The following IL18RAP variants were observed in gnomAD, a reference collection of about 807,000 sequenced individuals.
IL18RAP encodes the protein interleukin 18 receptor accessory protein.
Under a neutral mutation model 58.1 loss-of-function variants are expected in IL18RAP, and 37 were observed. That is an observed-to-expected ratio of 0.64 (90% CI 0.49 to 0.84). The LOEUF is 0.84. Ranked by LOEUF, IL18RAP falls within the 40% of genes least tolerant of loss-of-function variation. IL18RAP has a pLI of 0.00. For synonymous variants in IL18RAP, 268 were observed against 257.5 expected (o/e 1.04, Z -0.39); for missense variants, 667 against 704.8 (o/e 0.95, Z 0.61).
At chr2:102,429,059 C>A (rs1682162464) in intron 3 of IL18RAP, among the ~76,000 whole-genome samples, 1 of 151,852 alleles carries the variant, frequency 6.6e-6, no homozygotes, top group South Asian at 2.1e-4. Flanking sequence ...CCCACTTGAC[C>A]ATGGTGAATG....
In IL18RAP at chr2:102,445,149, T is replaced by G. The variant is rs751230507; in HGVS notation, c.921-40T>G. ...CAAATGCTGCAAATGGGTGTCAATG[T>G]ATGTTACTGAATGGAGTGGTATTTT... is the stretch of plus-strand genomic sequence containing the variant. On this transcript the variant is annotated intron_variant, in intron 6 of 9. Transcript: ENST00000687160. The G allele has an allele frequency of 4.4e-6, 7 of 1,591,814 alleles. No individual in the cohort carries two copies. The South Asian group carries it at 7.8e-5, about 18-fold the overall frequency.
rs373269976 is a variant in IL18RAP, at chr2:102,447,061, T to C, written c.1073-9T>C. ...TCTATGTCTCTTCATACTGGCCCTG[T>C]CTCCACAGTGGTGCTCCTGTACATC... On this transcript the variant is annotated splice_polypyrimidine_tract_variant and intron_variant, in intron 7 of 9. Coordinates refer to ENST00000687160, the MANE Select transcript of IL18RAP (RefSeq NM_001393487.1). The C allele has an allele frequency of 2.7e-5, 44 of 1,612,914 alleles. No homozygotes were observed. The highest frequency in any genetic ancestry group is 3.6e-5 in the Non-Finnish European group (43 of 1,179,600).
At chr2:102,439,675 TG>T (rs1202729508) in intron 4 of IL18RAP, 19 of 152,418 alleles carry the variant, frequency 1.2e-4, no homozygotes, top group African/African-American at 4.6e-4. Flanking sequence ...GGATGTTTTT[TG>T]TTTTCTGCCC....
At chr2:102,428,495 C>G (rs180855144) in intron 3 of IL18RAP, among the ~76,000 whole-genome samples, 2 of 150,998 alleles carry the variant, frequency 1.3e-5, no homozygotes, top group East Asian at 3.9e-4. Context: ...ACTTAATTTC[C>G]TTTTCTGCAG....
Position 102,451,940 on chromosome 2 carries a change from C to T in IL18RAP, c.1559C>T (p.Pro520Leu), listed in dbSNP as rs1172876150. Residue 520 changes from proline (P) to leucine (L), a missense_variant, in exon 10 of 10, where the codon CCA becomes CTA. Transcript: ENST00000687160. ...ATTAAGTTCTGTTACTTCCAAGAGC[C>T]AGAGTCTCTACCTCATCTCGTGAAA... ...ILIKFCYFQE[P>L]ESLPHLVKKA... 6.2e-7 allele frequency: 1 copy of T among 1,614,020 alleles called. No homozygotes were observed. Among genetic ancestry groups the T allele is most frequent in the African/African-American group, 1.3e-5 (1 of 74,918 alleles).
chr2:102,426,518 C>T (rs1451169205), intron 3 of IL18RAP, among the ~76,000 whole-genome samples: 2 of 151,758 alleles, frequency 1.3e-5, no homozygotes, highest in East Asian at 1.9e-4. Flanking sequence ...ATATACAATA[C>T]ATTTAATGGT....
intron 3 of IL18RAP, among the ~76,000 whole-genome samples, chr2:102,427,624 T>C (rs1682039182): frequency 6.6e-6 from 1 of 152,114 alleles, no homozygotes; most frequent in Non-Finnish European, 1.5e-5. Context: ...ATTAACTCCT[T>C]ATCAGATATA....
At chr2:102,437,842 T>C (rs1275518271) in intron 4 of IL18RAP, among the ~76,000 whole-genome samples, 2 of 152,354 alleles carry the variant, frequency 1.3e-5, no homozygotes, top group East Asian at 3.9e-4. Flanking sequence ...CATTTATGTT[T>C]TTATGCTTTT....
chr2:102,425,289 T>C (rs546408772), intron 3 of IL18RAP, among the ~76,000 whole-genome samples: 2 of 152,314 alleles, frequency 1.3e-5, no homozygotes, highest in South Asian at 2.1e-4. Context: ...ATCAGAAAGA[T>C]GAGTTATCTA....
At chr2:102,428,391 T>TA (rs1558636237) in intron 3 of IL18RAP, among the ~76,000 whole-genome samples, 1 of 151,344 alleles carries the variant, frequency 6.6e-6, no homozygotes, top group Non-Finnish European at 1.5e-5. Context: ...TTTTTTTTTT[T>TA]TATAATTTTC....
chr2:102,431,242 C>A (rs1487793330), intron 3 of IL18RAP, among the ~76,000 whole-genome samples: 1 of 152,160 alleles, frequency 6.6e-6, no homozygotes, highest in African/African-American at 2.4e-5. Context: ...AATATATCAT[C>A]CCACTCTCTC....
In IL18RAP at chr2:102,423,774, A is replaced by T. The variant is rs777152543; in HGVS notation, c.71-37A>T. On this transcript the variant is annotated intron_variant, in intron 1 of 9. Transcript: ENST00000687160. ...ATATAAGCTAGAATTCCATTTTCTA[A>T]TGTGTTTCCATGTGCTTTGTTTATT... 14 of 1,320,226 alleles carry T rather than the reference A, an allele frequency of 1.1e-5. No homozygotes were observed. The South Asian group carries it at 1.7e-4, about 16-fold the overall frequency. The allele number at this position is 1,320,226 out of a possible 1,614,324, so 81.8% of individuals were successfully genotyped here.
At chr2:102,436,532 C>T in intron 3 of IL18RAP, among the ~76,000 whole-genome samples, 1 of 152,098 alleles carries the variant, frequency 6.6e-6, no homozygotes, top group East Asian at 1.9e-4. Flanking sequence ...ACAGGAAACA[C>T]ACGAGGGATG....
At chr2:102,428,829 CT>C (rs1682142165) in intron 3 of IL18RAP, among the ~76,000 whole-genome samples, 1 of 151,842 alleles carries the variant, frequency 6.6e-6, no homozygotes, top group South Asian at 2.1e-4. Context: ...TTGAGTATAG[CT>C]ATGGGTTTGT....
At chr2:102,434,008 T>G (rs181770991) in intron 3 of IL18RAP, 17 of 152,374 alleles carry the variant, frequency 1.1e-4, no homozygotes, top group Admixed American at 9.8e-4. Context: ...TAAGTTAATT[T>G]AATGTGTTTC....
chr2:102,424,256 G>A lies in IL18RAP; in HGVS notation c.421G>A (p.Val141Ile), dbSNP rs375044721. ...IKSPYDVACCVKMILEVKPQT... is the reference protein window; with the variant it reads ...IKSPYDVACCIKMILEVKPQT... Reference sequence around the variant, plus strand: ...GAGCCCCTATGATGTAGCCTGTTGTGTCAAGATGATTTTAGAAGTTAAGCC... The same window carrying A: ...GAGCCCCTATGATGTAGCCTGTTGTATCAAGATGATTTTAGAAGTTAAGCC... Residue 141 changes from valine to isoleucine, a missense_variant, in exon 3 of 10, where the codon GTC (valine) becomes ATC (isoleucine). By Grantham distance (29) the Val-to-Ile change is conservative. Coordinates refer to ENST00000687160, the MANE Select transcript of IL18RAP (RefSeq NM_001393487.1). 4.3e-6 allele frequency: 7 copies of A among 1,613,958 alleles called. No homozygotes were observed. The African/African-American group carries it at 9.3e-5, about 22-fold the overall frequency.
In IL18RAP at chr2:102,443,183, G is replaced by A; in HGVS notation, c.797-17G>A. The stretch of plus-strand genomic sequence containing the variant: ...CACCAGCTTCCTTCTTGTTTTCTCT[G>A]GCCTCTTCATTTTCAGGAAAGCCTT... On this transcript the variant is annotated splice_polypyrimidine_tract_variant and intron_variant, in intron 5 of 9. Transcript: ENST00000687160. 1 of 1,605,310 alleles carries A rather than the reference G, an allele frequency of 6.2e-7. No homozygotes were observed. The highest frequency in any genetic ancestry group is 8.5e-7 in the Non-Finnish European group (1 of 1,177,262).
At chr2:102,451,579 G>A (rs1683768000) in intron 9 of IL18RAP, among the ~76,000 whole-genome samples, 187 bp from the exon 10 acceptor site, 1 of 152,186 alleles carries the variant, frequency 6.6e-6, no homozygotes, top group Non-Finnish European at 1.5e-5. Flanking sequence ...ACACAAAGCA[G>A]GGAATGTAAA....
intron 5 of IL18RAP, among the ~76,000 whole-genome samples, chr2:102,441,749 G>T (rs1414795503): frequency 6.6e-6 from 1 of 151,982 alleles, no homozygotes; most frequent in Non-Finnish European, 1.5e-5. Context: ...TTAGCCGGGC[G>T]TGGGTGTGGG....
Sources: allele counts gnomAD v4.1 joint callset (sites outside exome capture counted in the v4.1 genomes callset), GRCh38; gene constraint gnomAD v4.1.1; transcripts MANE v1.5; gene names NCBI Gene and HGNC (gene_info 2026-07-23, HGNC 2026-07-21).